Variants in CNTNAP2 observed in about 807,000 individuals in gnomAD.
CNTNAP2 encodes the protein contactin-associated protein-like 2.
Under a neutral mutation model 155.2 loss-of-function variants are expected in CNTNAP2, and 98 were observed. The observed-to-expected ratio is 0.63, with a 90% CI of 0.54 to 0.75. CNTNAP2 has a LOEUF of 0.75. Among genes scored for constraint, CNTNAP2 ranks in the 30% least tolerant of loss-of-function variants. The pLI is 0.00. For synonymous variants in CNTNAP2, 651 were observed against 631.2 expected, an observed-to-expected ratio of 1.03 and a Z score of -0.47; for missense variants, 1,727 against 1,688.1, an observed-to-expected ratio of 1.02 and a Z score of -0.40.
At chr7:147,914,616 A>G (rs117471595) in intron 14 of CNTNAP2, among the ~76,000 whole-genome samples, 4,979 of 151,806 alleles carry the variant, frequency 0.033, 130 homozygotes, top group Non-Finnish European at 0.053. Flanking sequence ...GCTGAAATAC[A>G]GTGACATGAT....
intron 1 of CNTNAP2, among the ~76,000 whole-genome samples, chr7:146,408,347 C>A (rs767698801): frequency 2.0e-5 from 3 of 152,024 alleles, no homozygotes; most frequent in East Asian, 1.9e-4. Context: ...AAAATGTACA[C>A]AACAAGCAGC....
At chr7:146,595,568 C>A (rs1466113426) in intron 1 of CNTNAP2, among the ~76,000 whole-genome samples, 1 of 151,972 alleles carries the variant, frequency 6.6e-6, no homozygotes, top group Admixed American at 6.6e-5. Flanking sequence ...TAGCCTCTGG[C>A]AGGAGCAATT....
At chr7:146,609,508 C>T (rs1255659215) in intron 1 of CNTNAP2, among the ~76,000 whole-genome samples, 1 of 152,132 alleles carries the variant, frequency 6.6e-6, no homozygotes, top group African/African-American at 2.4e-5. Flanking sequence ...AAAATTGAAA[C>T]ATCAGTCTGT....
In CNTNAP2 at chr7:146,855,541, C is replaced by A. The variant is rs150498363; in HGVS notation, c.402+15637C>A. On this transcript the variant is annotated intron_variant, in intron 3 of 23. Coordinates refer to ENST00000361727, the MANE Select transcript of CNTNAP2 (RefSeq NM_014141.6). ...TATAAGTTGACATGGGGTGGATTTG[C>A]TGGATATATTGTTTAGTGAAAAAAA... Among the ~76,000 whole-genome samples, 7 of 151,754 alleles carry A rather than the reference C, an allele frequency of 4.6e-5. No homozygotes were observed. In the East Asian group the frequency reaches 1.4e-3, roughly 29 times the overall value.
chr7:147,538,487 C>T (rs1584799148), intron 11 of CNTNAP2, among the ~76,000 whole-genome samples: 1 of 151,938 alleles, frequency 6.6e-6, no homozygotes, highest in African/African-American at 2.4e-5. Flanking sequence ...CCCCCTTCTA[C>T]AAAAAAATAA....
intron 8 of CNTNAP2, among the ~76,000 whole-genome samples, chr7:147,231,171 A>G (rs1485181376): frequency 6.6e-6 from 1 of 152,228 alleles, no homozygotes; most frequent in Non-Finnish European, 1.5e-5. Flanking sequence ...CGATCCAACT[A>G]CAATTCAAGA....
intron 21 of CNTNAP2, among the ~76,000 whole-genome samples, chr7:148,281,553 G>A (rs181351837): frequency 2.6e-5 from 4 of 152,300 alleles, no homozygotes; most frequent in African/African-American, 7.2e-5. Flanking sequence ...AACATATAGC[G>A]TAGTCTTAAT....
At chr7:147,837,897 C>A (rs570495918) in intron 13 of CNTNAP2, among the ~76,000 whole-genome samples, 5 of 152,164 alleles carry the variant, frequency 3.3e-5, no homozygotes, top group African/African-American at 1.2e-4. Context: ...CTCCTGACTG[C>A]TTTCATGGGC....
intron 5 of CNTNAP2, among the ~76,000 whole-genome samples, chr7:147,111,888 T>C (rs953236334): frequency 6.6e-6 from 1 of 152,192 alleles, no homozygotes; most frequent in Non-Finnish European, 1.5e-5. Flanking sequence ...ATAGTTTTTT[T>C]AAATTCTCTG....
intron 15 of CNTNAP2, among the ~76,000 whole-genome samples, chr7:147,992,755 T>A (rs1375267336): frequency 6.6e-6 from 1 of 152,246 alleles, no homozygotes; most frequent in Admixed American, 6.5e-5. Context: ...AATCTTTTTA[T>A]GAAAAAGTCA....
chr7:148,410,893 A>C (rs992720432), intron 23 of CNTNAP2, among the ~76,000 whole-genome samples: 1 of 152,204 alleles, frequency 6.6e-6, no homozygotes, highest in Admixed American at 6.5e-5. Context: ...TAGGATGACT[A>C]TATCTAACAA....
At chr7:148,326,621 CT>C (rs1797892551) in intron 21 of CNTNAP2, among the ~76,000 whole-genome samples, 1 of 151,882 alleles carries the variant, frequency 6.6e-6, no homozygotes, top group Non-Finnish European at 1.5e-5. Flanking sequence ...AATCCCAGCA[CT>C]TTCGGAGGCC....
At chr7:148,348,142 CAA>C (rs1798360066) in intron 21 of CNTNAP2, among the ~76,000 whole-genome samples, 1 of 152,178 alleles carries the variant, frequency 6.6e-6, no homozygotes, top group South Asian at 2.1e-4. Flanking sequence ...AGGGATCAGA[CAA>C]AGAGAGCTCT....
chr7:147,963,043 T>C (rs565499799), intron 14 of CNTNAP2, among the ~76,000 whole-genome samples: 22 of 50,586 alleles, frequency 4.3e-4, no homozygotes, highest in African/African-American at 7.4e-4. Flanking sequence ...TGAAATTTGC[T>C]TATAATACAG....
At chr7:147,290,683 C>CA (rs71182191) in intron 8 of CNTNAP2, among the ~76,000 whole-genome samples, 4,870 of 73,004 alleles carry the variant, frequency 0.067, 523 homozygotes, top group East Asian at 0.53. Context: ...ACTCCATCTC[C>CA]AAAAAAAAAA....
intron 15 of CNTNAP2, among the ~76,000 whole-genome samples, chr7:148,077,373 CT>C (rs2116540674): frequency 6.6e-6 from 1 of 152,020 alleles, no homozygotes; most frequent in Non-Finnish European, 1.5e-5. Flanking sequence ...AAGGAAACAT[CT>C]GCTTCTACAT....
At chr7:147,795,818 G>A (rs1797884573) in intron 13 of CNTNAP2, among the ~76,000 whole-genome samples, 1 of 151,996 alleles carries the variant, frequency 6.6e-6, no homozygotes, top group Non-Finnish European at 1.5e-5. Context: ...AAAATGAGAG[G>A]GTTGAATTTG....
chr7:146,624,374 C>T (rs1213170317), intron 1 of CNTNAP2, among the ~76,000 whole-genome samples: 1 of 151,954 alleles, frequency 6.6e-6, no homozygotes, highest in Non-Finnish European at 1.5e-5. Flanking sequence ...TTAAATTTTA[C>T]ATTTAGAACT....
intron 15 of CNTNAP2, among the ~76,000 whole-genome samples, chr7:147,982,082 A>T (rs978504974): frequency 6.6e-6 from 1 of 152,184 alleles, no homozygotes; most frequent in Non-Finnish European, 1.5e-5. Context: ...CCAAACTTTC[A>T]TACTTTCATG....
Sources: allele counts gnomAD v4.1 joint callset (sites outside exome capture counted in the v4.1 genomes callset), GRCh38; gene constraint gnomAD v4.1.1; transcripts MANE v1.5; gene names NCBI Gene and HGNC (gene_info 2026-07-23, HGNC 2026-07-21).